The following AK7 variants were observed in gnomAD, a reference collection of about 807,000 sequenced individuals.
The protein encoded by AK7 is ATP-AMP transphosphorylase 7.
AK7 carries 78 observed loss-of-function variants against 96.6 expected under a neutral mutation model. The observed-to-expected ratio is 0.81, with a 90% CI of 0.67 to 0.97. The LOEUF is 0.97. AK7 is among the 50% of genes least tolerant of loss of function. AK7 has a pLI of 0.00. For synonymous variants in AK7, 302 were observed against 317.2 expected, an observed-to-expected ratio of 0.95 and a Z score of 0.51; for missense variants, 855 against 887.9, an observed-to-expected ratio of 0.96 and a Z score of 0.47.
At chr14:96,450,806 A>G (rs182262434) in intron 9 of AK7, among the ~76,000 whole-genome samples, 2,330 of 120,760 alleles carry the variant, frequency 0.019, 71 homozygotes, top group African/African-American at 0.071. Context: ...ACGGAGTCTC[A>G]CTCTGTCGTC....
At chr14:96,460,740 C>G (rs1361572449) in intron 12 of AK7, among the ~76,000 whole-genome samples, 1 of 152,204 alleles carries the variant, frequency 6.6e-6, no homozygotes, top group African/African-American at 2.4e-5. Flanking sequence ...ATGTTCCACT[C>G]AGGGAGCACG....
intron 3 of AK7, among the ~76,000 whole-genome samples, chr14:96,406,106 T>A (rs567116637): frequency 2.0e-5 from 3 of 151,630 alleles, no homozygotes; most frequent in Middle Eastern, 3.4e-3. Context: ...CAGGCTGGAG[T>A]GCAGTGGCAC....
chr14:96,451,424 G>A lies in AK7; in HGVS notation c.952G>A (p.Asp318Asn). The change falls in exon 10 of 18, where the codon GAT becomes AAT. Residue 318 changes from aspartate (D) to asparagine (N), a missense_variant. Physicochemically the swap from Asp to Asn is conservative, Grantham distance 23. Coordinates refer to ENST00000267584, the MANE Select transcript of AK7 (RefSeq NM_152327.5). ...NAYLTKDLTQ[D>N]CLDHLLVNLR... ...CTAATTGTCCTCTATCTTTCAGCAA[G>A]ATTGTCTTGACCATTTACTGGTCAA... 1 of 1,567,796 alleles carries A rather than the reference G, an allele frequency of 6.4e-7. No individual in the cohort carries two copies. The highest frequency in any genetic ancestry group is 8.7e-7 in the Non-Finnish European group (1 of 1,153,668).
intron 12 of AK7, among the ~76,000 whole-genome samples, chr14:96,460,337 C>T (rs918961107): frequency 2.6e-5 from 4 of 152,140 alleles, no homozygotes; most frequent in Admixed American, 1.3e-4. Context: ...CTCCCCTTGC[C>T]GTCTTCTCAA....
chr14:96,443,047 T>C (rs796303114), intron 7 of AK7, among the ~76,000 whole-genome samples: 5 of 152,342 alleles, frequency 3.3e-5, no homozygotes, highest in African/African-American at 1.2e-4. Flanking sequence ...CAGGTTCATC[T>C]CTTAGAAACT....
Position 96,486,977 on chromosome 14 carries a change from T to C in AK7, c.2054T>C (p.Met685Thr). 1 of 1,614,138 alleles carries C rather than the reference T, an allele frequency of 6.2e-7. No homozygotes were observed. Among genetic ancestry groups the C allele is most frequent in the South Asian group, 1.1e-5 (1 of 91,084 alleles). Residue 685 changes from methionine (M) to threonine (T), a missense_variant, in exon 17 of 18, where the codon ATG becomes ACG. Physicochemically the swap from Met to Thr is moderately conservative, Grantham distance 81 (BLOSUM62 -1). Coordinates refer to ENST00000267584, the MANE Select transcript of AK7 (RefSeq NM_152327.5). ...TCAATTCCCCTGAGAAACTATTTAA[T>C]GACCTATGTGATGCCAACTCTTATT... Reference protein sequence around the residue: ...AQSIPLRNYLMTYVMPTLIQG... With the variant: ...AQSIPLRNYLTTYVMPTLIQG...
chr14:96,401,841 T>C (rs138141546), intron 2 of AK7, among the ~76,000 whole-genome samples: 59 of 152,272 alleles, frequency 3.9e-4, no homozygotes, highest in African/African-American at 1.3e-3. Flanking sequence ...CTCAAATATC[T>C]TCTCCTATGA....
chr14:96,446,711 C>T (rs907046436), intron 8 of AK7, 104 bp downstream of exon 8: 24 of 928,224 alleles, frequency 2.6e-5, no homozygotes, highest in African/African-American at 1.3e-4. Flanking sequence ...GAGTCCGAGG[C>T]GGGTGGATCA....
At chr14:96,422,588 G>A (rs1891767594) in intron 5 of AK7, among the ~76,000 whole-genome samples, 1 of 152,178 alleles carries the variant, frequency 6.6e-6, no homozygotes, top group Non-Finnish European at 1.5e-5. Flanking sequence ...TCTGGGATAG[G>A]AATCTTGGTG....
At chr14:96,466,481 G>A (rs1472112762) in intron 12 of AK7, among the ~76,000 whole-genome samples, 5 of 151,834 alleles carry the variant, frequency 3.3e-5, no homozygotes, top group South Asian at 2.1e-4. Context: ...CTCATGATCC[G>A]CCTGCCTCAG....
At chr14:96,411,460 G>A (rs1305491138) in intron 4 of AK7, among the ~76,000 whole-genome samples, 1 of 151,916 alleles carries the variant, frequency 6.6e-6, no homozygotes, top group East Asian at 1.9e-4. Context: ...GCAGTGAGCA[G>A]AGATCGCACC....
chr14:96,410,414 C>G (rs535520111), intron 4 of AK7, among the ~76,000 whole-genome samples: 1 of 152,356 alleles, frequency 6.6e-6, no homozygotes, highest in East Asian at 1.9e-4. Context: ...ACAAGTTCAA[C>G]AACGGACTTC....
chr14:96,422,373 G>T (rs6420932), intron 5 of AK7, among the ~76,000 whole-genome samples: 5 of 152,126 alleles, frequency 3.3e-5, no homozygotes, highest in Admixed American at 6.5e-5. Context: ...TCCATAGATA[G>T]GAGACATGAA....
chr14:96,479,198 T>A (rs1374435987), intron 15 of AK7, among the ~76,000 whole-genome samples: 1 of 151,970 alleles, frequency 6.6e-6, no homozygotes, highest in African/African-American at 2.4e-5. Context: ...TGCCTCAGCC[T>A]CCCGAGTAGC....
At chr14:96,426,575 G>A (rs931462934) in intron 5 of AK7, among the ~76,000 whole-genome samples, 3 of 152,090 alleles carry the variant, frequency 2.0e-5, no homozygotes, top group Non-Finnish European at 2.9e-5. Flanking sequence ...ACTCCCTTTA[G>A]TGTTTCTTGT....
chr14:96,423,701 C>T, intron 5 of AK7: 1 of 685,552 alleles, frequency 1.5e-6, no homozygotes, highest in Non-Finnish European at 2.8e-6. Flanking sequence ...CCCCTACTTC[C>T]CAGACAGCTG....
intron 12 of AK7, among the ~76,000 whole-genome samples, chr14:96,461,684 T>C (rs1894256848): frequency 6.6e-6 from 1 of 150,462 alleles, no homozygotes; most frequent in Admixed American, 6.6e-5. Flanking sequence ...CTCTGCCTCC[T>C]GGCTTCAAGC....
intron 5 of AK7, among the ~76,000 whole-genome samples, chr14:96,432,257 G>A (rs181320633): frequency 1.1e-3 from 145 of 128,636 alleles, no homozygotes; most frequent in South Asian, 7.2e-3. Context: ...TCCTCCAGCC[G>A]TTTATTTTGA....
intron 8 of AK7, among the ~76,000 whole-genome samples, chr14:96,449,420 G>A (rs12323462): frequency 8.6e-5 from 13 of 151,622 alleles, no homozygotes; most frequent in African/African-American, 2.9e-4. Flanking sequence ...TCATTTGAGG[G>A]TGTTTGTTTG....
Sources: allele counts gnomAD v4.1 joint callset (sites outside exome capture counted in the v4.1 genomes callset), GRCh38; gene constraint gnomAD v4.1.1; transcripts MANE v1.5; gene names NCBI Gene and HGNC (gene_info 2026-07-23, HGNC 2026-07-21).